Variants in GPC1 observed in about 807,000 individuals in gnomAD.
GPC1 encodes glypican 1, also known as glypican-1.
A neutral mutation model predicts 51.5 loss-of-function variants in GPC1; 26 were observed. The ratio of observed to expected loss-of-function variants is 0.50; its 90% confidence interval spans 0.37 to 0.70. The LOEUF is 0.70. Among genes scored for constraint, GPC1 ranks in the 30% least tolerant of loss-of-function variants. The probability of loss-of-function intolerance (pLI) is 0.00; values close to 1 mark genes in which losing one functional copy is unlikely to be tolerated. For missense variants in GPC1, 775 were observed against 800.5 expected, an observed-to-expected ratio of 0.97 and a Z score of 0.38; for synonymous variants, 380 against 348.3, an observed-to-expected ratio of 1.09 and a Z score of -1.01.
chr2:240,457,737 C>T (rs2074180922), intron 1 of GPC1, among the ~76,000 whole-genome samples: 1 of 152,184 alleles, frequency 6.6e-6, no homozygotes, highest in Admixed American at 6.5e-5. Context: ...GGCTCCCTCT[C>T]CTGCCTCTCC....
intron 2 of GPC1, among the ~76,000 whole-genome samples, chr2:240,459,792 CT>C (rs751768729): frequency 1.3e-5 from 2 of 152,214 alleles, no homozygotes; most frequent in Non-Finnish European, 2.9e-5. Flanking sequence ...TGGGCCTCGC[CT>C]TGTGTCTGGG....
chr2:240,462,641 G>A (rs1433386677), intron 3 of GPC1, 59 bp downstream of exon 3: 1 of 1,435,692 alleles, frequency 7.0e-7, no homozygotes, highest in East Asian at 2.3e-5. Flanking sequence ...CTCTGCCCAA[G>A]GGACTTCCTC....
Position 240,448,239 on chromosome 2 carries a change from G to C in GPC1, c.167-10791G>C, listed in dbSNP as rs1019885945. On this transcript the variant is annotated intron_variant, in intron 1 of 8. Transcript: ENST00000264039. This position sits in a 1 kb window ranked among gnomAD's most constrained non-coding sequence, Gnocchi z 4.5. ...CATAGGGGCCTCTCCCTTCCCCTAC[G>C]GGATGGGGCTGGTTCGTTCCCCCAG... 6.6e-6 allele frequency among the ~76,000 whole-genome samples: 1 copy of C among 152,120 alleles called. No individual in the cohort carries two copies. Among genetic ancestry groups the C allele is most frequent in the Non-Finnish European group, 1.5e-5 (1 of 68,004 alleles).
chr2:240,462,726 C>G, intron 3 of GPC1, 144 bp downstream of exon 3: 1 of 693,826 alleles, frequency 1.4e-6, no homozygotes, highest in Non-Finnish European at 2.3e-6. Flanking sequence ...CTCAGTCCCT[C>G]CTGCATTGGC....
At position 240,464,658 on chromosome 2, in the gene GPC1, G is replaced by C. The variant is rs2074245051; in HGVS notation, c.926G>C (p.Gly309Ala). Residue 309 changes from glycine (G) to alanine (A), a missense_variant, in exon 5 of 9, where the codon GGT (glycine) becomes GCT (alanine). Coordinates refer to ENST00000264039, the MANE Select transcript of GPC1 (RefSeq NM_002081.3). The part of the protein sequence containing the change: ...LITDKFWGTS[G>A]VESVIGSVHT... ...ACCGACAAGTTCTGGGGTACATCGG[G>C]TGTGGAGAGTGTCATCGGCAGCGTG... The C allele has an allele frequency of 1.9e-6, 3 of 1,613,326 alleles. No individual in the cohort carries two copies. The highest frequency in any genetic ancestry group is 2.5e-6 in the Non-Finnish European group (3 of 1,179,924).
chr2:240,460,885 G>A (rs944529885), intron 2 of GPC1, among the ~76,000 whole-genome samples: 9 of 152,136 alleles, frequency 5.9e-5, no homozygotes, highest in African/African-American at 2.2e-4. Flanking sequence ...AGGGCCCCTG[G>A]GTCTTTGTCT....
At chr2:240,453,844 G>C (rs1379561677) in intron 1 of GPC1, among the ~76,000 whole-genome samples, 1 of 152,064 alleles carries the variant, frequency 6.6e-6, no homozygotes, top group Non-Finnish European at 1.5e-5. Flanking sequence ...CGCCGGTGCC[G>C]CCGAGCCTTT....
rs576641599 is a variant in GPC1, at chr2:240,454,974, C to T, written c.167-4056C>T. 4.4e-4 allele frequency: 99 copies of T among 225,468 alleles called. 1 individual carries two copies. In the South Asian group the frequency reaches 4.5e-3, roughly 10 times the overall value. The allele number at this position is 225,468 out of a possible 1,614,324, so 14.0% of individuals were successfully genotyped here. On this transcript the variant is annotated intron_variant, in intron 1 of 8. Coordinates refer to ENST00000264039, the MANE Select transcript of GPC1 (RefSeq NM_002081.3). Reference sequence around the variant, plus strand: ...GGTGCTGATGACCAAGAGGAAACTGCGGGGTGGGGACATGTCAGCAGGGGA... The same window carrying T: ...GGTGCTGATGACCAAGAGGAAACTGTGGGGTGGGGACATGTCAGCAGGGGA...
chr2:240,463,896 T>G, intron 4 of GPC1: 1 of 276,586 alleles, frequency 3.6e-6, no homozygotes, highest in South Asian at 4.7e-5. Flanking sequence ...CGTGCTCACT[T>G]GCTGACACAC....
At chr2:240,458,636 C>T (rs942654168) in intron 1 of GPC1, 6 of 190,430 alleles carry the variant, frequency 3.2e-5, no homozygotes, top group Non-Finnish European at 5.4e-5. Context: ...TTCCTTCCTC[C>T]TTCCCCATCC....
rs778798385 is a variant in GPC1, at chr2:240,462,598, C to CA, written c.717+17dup. 10 of 1,505,364 alleles carry CA rather than the reference C, an allele frequency of 6.6e-6. No individual in the cohort carries two copies. The highest frequency in any genetic ancestry group is 8.8e-6 in the Non-Finnish European group (10 of 1,132,420). 93.3% of individuals were successfully genotyped at this position (1,505,364 alleles called of 1,614,324 possible). The stretch of plus-strand genomic sequence containing the variant: ...AGTGGCTCAGGTGCGCACAGCCACC[C>CA]AGGGCTCTCAGAAACCCCTCCAGAC... On this transcript the variant is annotated intron_variant, in intron 3 of 8. Transcript: ENST00000264039.
chr2:240,439,124 G>A (rs1418909061), intron 1 of GPC1, among the ~76,000 whole-genome samples: 1 of 152,186 alleles, frequency 6.6e-6, no homozygotes, highest in African/African-American at 2.4e-5. Flanking sequence ...TTGCTCCTTT[G>A]CTGGGGTCTC....
chr2:240,459,866 C>T (rs2074202119), intron 2 of GPC1, among the ~76,000 whole-genome samples: 1 of 152,168 alleles, frequency 6.6e-6, no homozygotes, highest in Non-Finnish European at 1.5e-5. Context: ...ATGAAGTGAC[C>T]TCTGATCAGA....
At chr2:240,451,327 G>C (rs1346215109) in intron 1 of GPC1, 1 of 460,094 alleles carries the variant, frequency 2.2e-6, no homozygotes, top group African/African-American at 2.0e-5. Flanking sequence ...TTTCTAGCGT[G>C]CCCCCTGTGG....
chr2:240,435,757 C>T lies in GPC1; in HGVS notation c.-162C>T. On this transcript the variant is annotated 5_prime_UTR_variant, in exon 1 of 9. Transcript: ENST00000264039. ...GCGCGCCCCGCGCCGCCGCCGCCGCCGGCTTTTGTTGTCTCCGCCTCCTCG... is the reference window on the plus strand; with the variant it reads ...GCGCGCCCCGCGCCGCCGCCGCCGCTGGCTTTTGTTGTCTCCGCCTCCTCG... 2 of 365,604 alleles carry T rather than the reference C, an allele frequency of 5.5e-6. No individual in the cohort carries two copies. Among genetic ancestry groups the T allele is most frequent in the Non-Finnish European group, 9.0e-6 (2 of 221,742 alleles). The allele number at this position is 365,604 out of a possible 1,614,324, so 22.6% of individuals were successfully genotyped here.
chr2:240,441,259 C>A (rs938234549), intron 1 of GPC1, among the ~76,000 whole-genome samples: 3 of 152,278 alleles, frequency 2.0e-5, no homozygotes, highest in Non-Finnish European at 2.9e-5. Context: ...CATGTCTGTT[C>A]TATGGCATCC....
intron 1 of GPC1, among the ~76,000 whole-genome samples, chr2:240,445,785 C>T (rs890885521): frequency 3.3e-5 from 5 of 152,286 alleles, no homozygotes; most frequent in African/African-American, 1.2e-4. Flanking sequence ...CAGTAGACGT[C>T]GCCGCTGTTT....
intron 1 of GPC1, among the ~76,000 whole-genome samples, chr2:240,457,772 G>C (rs1318903777): frequency 6.6e-6 from 1 of 152,146 alleles, no homozygotes; most frequent in Non-Finnish European, 1.5e-5. Context: ...TTCACTTCCT[G>C]CTGACCCTCA....
intron 1 of GPC1, chr2:240,450,787 A>G (rs1260930538): frequency 2.1e-6 from 1 of 470,184 alleles, no homozygotes; most frequent in East Asian, 7.0e-5. Context: ...GCCTTTATTC[A>G]GTACCAGGGT....
Sources: gnomAD v4.1 joint callset for allele counts (sites outside exome capture counted in the v4.1 genomes callset) on GRCh38, gnomAD v4.1.1 for gene constraint, Gnocchi (gnomAD v3.1) non-coding constraint, MANE v1.5 for transcripts, NCBI Gene and HGNC (gene_info 2026-07-23, HGNC 2026-07-21) for gene names.